ARHGAP10: variants seen among roughly 807,000 people sequenced by gnomAD.
The protein encoded by ARHGAP10 is rho GTPase-activating protein 10.
Under a neutral mutation model 108.6 loss-of-function variants are expected in ARHGAP10, and 87 were observed. The observed-to-expected ratio is 0.80, with a 90% CI of 0.67 to 0.96. The LOEUF is 0.96. Ranked by LOEUF, ARHGAP10 falls within the 40% of genes least tolerant of loss-of-function variation. The pLI is 0.00. For missense variants in ARHGAP10, 939 were observed against 954.5 expected (o/e 0.98, Z 0.21); for synonymous variants, 347 against 341.1 (o/e 1.02, Z -0.19).
chr4:147,905,270 C>T lies in ARHGAP10; in HGVS notation c.1035-1368C>T, dbSNP rs1174864012. ...CATTTGTCAATTTTGGCTTTTGTTG[C>T]CATTGCTTTTGGTGTTTTAGACATG... On this transcript the variant is annotated intron_variant, in intron 10 of 22. Transcript: ENST00000336498. Among the ~76,000 whole-genome samples, 24 of 150,152 alleles carry T rather than the reference C, an allele frequency of 1.6e-4. No individual in the cohort carries two copies. In the East Asian group the frequency reaches 4.7e-3, roughly 29 times the overall value.
chr4:147,992,469 G>A (rs1447490828), intron 18 of ARHGAP10, among the ~76,000 whole-genome samples: 4 of 152,194 alleles, frequency 2.6e-5, no homozygotes, highest in Non-Finnish European at 4.4e-5. Flanking sequence ...GTGCAATGGC[G>A]CTATCTCCGC....
intron 19 of ARHGAP10, among the ~76,000 whole-genome samples, chr4:148,035,288 GT>G: frequency 6.6e-6 from 1 of 152,232 alleles, no homozygotes. Context: ...TACTTATTAA[GT>G]TTATGGCAAT....
intron 1 of ARHGAP10, among the ~76,000 whole-genome samples, chr4:147,764,889 GTTTA>G (rs1423926818): frequency 6.6e-6 from 1 of 152,166 alleles, no homozygotes; most frequent in Non-Finnish European, 1.5e-5. Flanking sequence ...GGAGCTGTAA[GTTTA>G]TTTTTCAGTA....
At position 148,064,408 on chromosome 4, in the gene ARHGAP10, C is replaced by G. The variant is rs758569275; in HGVS notation, c.2181-8C>G. ...CATTGGTGTCTTTTGTATTCTCTTTCTTTTCAGCATCCGCAGTCGGAAGGC... is the reference window on the plus strand; with the variant it reads ...CATTGGTGTCTTTTGTATTCTCTTTGTTTTCAGCATCCGCAGTCGGAAGGC... On this transcript the variant is annotated splice_polypyrimidine_tract_variant and splice_region_variant and intron_variant, in intron 21 of 22. Transcript: ENST00000336498. 1 of 1,612,628 alleles carries G rather than the reference C, an allele frequency of 6.2e-7. No individual in the cohort carries two copies. Among genetic ancestry groups the G allele is most frequent in the African/African-American group, 1.3e-5 (1 of 74,780 alleles).
intron 19 of ARHGAP10, among the ~76,000 whole-genome samples, chr4:148,026,183 A>G (rs1741758762): frequency 1.3e-5 from 2 of 152,196 alleles, no homozygotes; most frequent in African/African-American, 4.8e-5. Context: ...CTTCTTCTGC[A>G]CTGAGTAGAG....
intron 11 of ARHGAP10, among the ~76,000 whole-genome samples, chr4:147,907,901 G>C (rs1325629819): frequency 6.6e-6 from 1 of 152,088 alleles, no homozygotes; most frequent in African/African-American, 2.4e-5. Flanking sequence ...GCAGTGCAGT[G>C]GCGTGACCTT....
Position 148,059,397 on chromosome 4 carries a change from G to T in ARHGAP10, c.2028-3751G>T, listed in dbSNP as rs1380497269. Reference sequence around the variant, plus strand: ...TAGCTTGGCATTAAACAGAATTGGTGGTTTGTGCTCATGCCAGTCTTACTA... The same window carrying T: ...TAGCTTGGCATTAAACAGAATTGGTTGTTTGTGCTCATGCCAGTCTTACTA... On this transcript the variant is annotated intron_variant, in intron 20 of 22. Transcript: ENST00000336498. 2.0e-5 allele frequency among the ~76,000 whole-genome samples: 3 copies of T among 151,936 alleles called. No homozygotes were observed. In the East Asian group the frequency reaches 5.8e-4, roughly 29 times the overall value.
At chr4:147,924,256 G>A (rs926510893) in intron 13 of ARHGAP10, among the ~76,000 whole-genome samples, 14 of 152,074 alleles carry the variant, frequency 9.2e-5, no homozygotes, top group Non-Finnish European at 1.8e-4. Flanking sequence ...GGCGAACCCC[G>A]AGTCCTTGCC....
chr4:147,792,432 C>T (rs1034821142), intron 1 of ARHGAP10, among the ~76,000 whole-genome samples: 2 of 152,106 alleles, frequency 1.3e-5, no homozygotes, highest in Admixed American at 6.5e-5. Context: ...AATCATAATC[C>T]TTGATTCACA....
rs148262609 is a variant in ARHGAP10 at position 147,887,604 on chromosome 4, G to A, written c.1034+5672G>A. Among the ~76,000 whole-genome samples the A allele has an allele frequency of 9.2e-3, 1,402 of 152,174 alleles. 18 individuals are homozygous for A. The highest frequency in any genetic ancestry group is 0.03 in the African/African-American group (1,251 of 41,510). On this transcript the variant is annotated intron_variant, in intron 10 of 22. Coordinates refer to ENST00000336498, the MANE Select transcript of ARHGAP10 (RefSeq NM_024605.4). ...TGGCCAGGTGCGGTGGCTCATGCCT[G>A]TAATCCCAGCACTTTGGGAAGCCGA... is the stretch of plus-strand genomic sequence containing the variant.
chr4:147,865,084 A>C (rs918848432), intron 6 of ARHGAP10, 128 bp downstream of exon 6: 46 of 782,694 alleles, frequency 5.9e-5, no homozygotes, highest in Admixed American at 1.1e-4. Flanking sequence ...AGACATATTA[A>C]AAAGGGCAGA....
intron 1 of ARHGAP10, among the ~76,000 whole-genome samples, chr4:147,748,987 A>G (rs549807696): frequency 1.6e-5 from 1 of 63,308 alleles, no homozygotes; most frequent in South Asian, 5.8e-4. Context: ...TGTCCTATAC[A>G]TAAGATAACT....
intron 18 of ARHGAP10, among the ~76,000 whole-genome samples, chr4:147,967,339 C>T (rs1001246757): frequency 3.3e-5 from 5 of 152,198 alleles, no homozygotes; most frequent in Admixed American, 1.3e-4. Flanking sequence ...CCTGGGAAAC[C>T]GCCTGCCTTG....
At chr4:148,038,196 G>T (rs1036806512) in intron 19 of ARHGAP10, among the ~76,000 whole-genome samples, 1 of 152,134 alleles carries the variant, frequency 6.6e-6, no homozygotes, top group Non-Finnish European at 1.5e-5. Flanking sequence ...TGGCAGTTCT[G>T]TTTCTTGGTA....
chr4:147,919,985 T>C (rs1737169303), intron 13 of ARHGAP10, among the ~76,000 whole-genome samples: 1 of 152,292 alleles, frequency 6.6e-6, no homozygotes, highest in African/African-American at 2.4e-5. Flanking sequence ...ATGATTCTAA[T>C]ATGTAGCAAA....
At chr4:147,873,351 T>C (rs574856634) in intron 7 of ARHGAP10, among the ~76,000 whole-genome samples, 16 of 152,068 alleles carry the variant, frequency 1.1e-4, no homozygotes, top group Admixed American at 1.3e-4. Context: ...TTGGCTTAAA[T>C]AGAAGTGTGT....
chr4:148,060,988 C>G (rs1311036607), intron 20 of ARHGAP10, among the ~76,000 whole-genome samples: 2 of 152,102 alleles, frequency 1.3e-5, no homozygotes, highest in East Asian at 3.9e-4. Context: ...GCAGGCTTTT[C>G]TGTTGCGTAT....
chr4:147,787,227 A>T (rs944605564), intron 1 of ARHGAP10, among the ~76,000 whole-genome samples: 1 of 152,126 alleles, frequency 6.6e-6, no homozygotes, highest in African/African-American at 2.4e-5. Context: ...ATTCTGGTAG[A>T]AGTAGTATTT....
At chr4:147,942,799 C>T (rs1387245667) in intron 14 of ARHGAP10, among the ~76,000 whole-genome samples, 1 of 152,248 alleles carries the variant, frequency 6.6e-6, no homozygotes, top group Non-Finnish European at 1.5e-5. Context: ...TAGTTGTCTT[C>T]CCCTCTGGGA....
Sources: gnomAD v4.1 joint callset for allele counts (sites outside exome capture counted in the v4.1 genomes callset) on GRCh38, gnomAD v4.1.1 for gene constraint, MANE v1.5 for transcripts, NCBI Gene and HGNC (gene_info 2026-07-23, HGNC 2026-07-21) for gene names.